Variants in MYLK4 observed in about 807,000 individuals in gnomAD.
MYLK4 encodes the protein caMLCK like.
In MYLK4, 46 loss-of-function variants were observed where a neutral mutation model predicts 48.1. That is an observed-to-expected ratio of 0.96 (90% CI 0.75 to 1.22). MYLK4 has a LOEUF of 1.22. Ranked by LOEUF, MYLK4 falls within the 50% of genes most tolerant of loss-of-function variation. The pLI, the probability that MYLK4 is intolerant of heterozygous loss-of-function variation, is 0.00. For synonymous variants in MYLK4, 170 were observed against 180.8 expected (o/e 0.94, Z 0.48); for missense variants, 451 against 486.1 (o/e 0.93, Z 0.68).
At chr6:2,694,721 C>G (rs912039898) in intron 2 of MYLK4, among the ~76,000 whole-genome samples, 2 of 151,656 alleles carry the variant, frequency 1.3e-5, no homozygotes, top group Admixed American at 6.6e-5. Context: ...CTCTTCTAAG[C>G]ACTTTGTTTA....
At chr6:2,702,174 G>A (rs1228862210) in intron 2 of MYLK4, among the ~76,000 whole-genome samples, 4 of 152,184 alleles carry the variant, frequency 2.6e-5, no homozygotes, top group Non-Finnish European at 5.9e-5. Flanking sequence ...TGCATAACTA[G>A]GTATCATGTG....
At chr6:2,743,881 A>T (rs1763978866) in intron 2 of MYLK4, 1 of 398,458 alleles carries the variant, frequency 2.5e-6, no homozygotes, top group Non-Finnish European at 4.4e-6. Flanking sequence ...TCTTAGATAA[A>T]GGTGATTTTA....
chr6:2,667,455 T>G lies in MYLK4; in HGVS notation c.*470A>C, dbSNP rs9501873. On this transcript the variant is annotated 3_prime_UTR_variant, in exon 13 of 13. Transcript: ENST00000274643. ...GGTGCATGGGAGTCAGAATTCTTTC[T>G]GGCCATCTAATTGCCCCTTCCAAAG... The G allele has an allele frequency of 0.38, 57,619 of 151,920 alleles. 11,216 individuals carry two copies. Among genetic ancestry groups the G allele is most frequent in the Non-Finnish European group, 0.4 (27,398 of 67,958 alleles). The allele number at this position is 151,920 out of a possible 1,614,324, so 9.4% of individuals were successfully genotyped here.
chr6:2,700,492 T>G (rs1762244268), intron 2 of MYLK4, among the ~76,000 whole-genome samples: 1 of 152,158 alleles, frequency 6.6e-6, no homozygotes, highest in Admixed American at 6.5e-5. Context: ...GGTCACAGAT[T>G]GGAGCAATTA....
rs189056943 is a variant in MYLK4, at chr6:2,708,542, A to T, written c.160-15683T>A. 2.0e-3 allele frequency among the ~76,000 whole-genome samples: 312 copies of T among 152,310 alleles called. 1 individual carries two copies. The highest frequency in any genetic ancestry group is 7.1e-3 in the African/African-American group (297 of 41,566). On this transcript the variant is annotated intron_variant, in intron 2 of 12. Transcript: ENST00000274643. Reference sequence around the variant, plus strand: ...AAAAACTATATTTACTTTGACTTAAACTGTTAGTCTCAGGCAGCCCCAAAG... The same window carrying T: ...AAAAACTATATTTACTTTGACTTAATCTGTTAGTCTCAGGCAGCCCCAAAG...
At chr6:2,748,670 G>A (rs1223797871) in intron 2 of MYLK4, among the ~76,000 whole-genome samples, 1 of 152,192 alleles carries the variant, frequency 6.6e-6, no homozygotes, top group African/African-American at 2.4e-5. Flanking sequence ...CTGCACAGAG[G>A]AGGGTACAAG....
intron 2 of MYLK4, among the ~76,000 whole-genome samples, chr6:2,706,013 A>C (rs1762473578): frequency 6.6e-6 from 1 of 152,160 alleles, no homozygotes; most frequent in Non-Finnish European, 1.5e-5. Context: ...GGAAATTTTA[A>C]TAATGTTTAA....
intron 3 of MYLK4, 40 bp downstream of exon 3, chr6:2,692,744 T>G (rs898645021): frequency 6.3e-7 from 1 of 1,582,986 alleles, no homozygotes; most frequent in Non-Finnish European, 8.7e-7. Flanking sequence ...ATAACGGAAC[T>G]TTCTTCATCC....
At chr6:2,765,400 C>T in the MYLK4 span, 5 of 415,560 alleles carry the variant, frequency 1.2e-5, no homozygotes, top group Middle Eastern at 7.0e-4. Flanking sequence ...ACTACACTTC[C>T]CGACACGCCG....
chr6:2,689,401 T>C (rs1446868470), intron 3 of MYLK4, among the ~76,000 whole-genome samples: 2 of 152,252 alleles, frequency 1.3e-5, no homozygotes, highest in Non-Finnish European at 2.9e-5. Flanking sequence ...TTTCTTCATG[T>C]TGTTGAAATG....
In MYLK4 at chr6:2,678,306, G is replaced by C; in HGVS notation, c.954C>G (p.Cys318Trp). 1 of 1,613,994 alleles carries C rather than the reference G, an allele frequency of 6.2e-7. No individual in the cohort carries two copies. The highest frequency in any genetic ancestry group is 8.5e-7 in the Non-Finnish European group (1 of 1,179,996). ...DAETLNNILA[C>W]RWDLEDEEFQ... is the part of the protein sequence containing the mutation. ...ATTCTTCATCCTCTAAGTCCCACCTGCAGGCCAGGATGTTGTTCAGCGTCT... is the reference window on the plus strand; with the variant it reads ...ATTCTTCATCCTCTAAGTCCCACCTCCAGGCCAGGATGTTGTTCAGCGTCT... Residue 318 changes from cysteine to tryptophan, a missense_variant, in exon 10 of 13, where the codon TGC becomes TGG. Coordinates refer to ENST00000274643, the MANE Select transcript of MYLK4 (RefSeq NM_001012418.5).
At chr6:2,694,499 G>GGTA (rs1382619442) in intron 2 of MYLK4, among the ~76,000 whole-genome samples, 5 of 29,664 alleles carry the variant, frequency 1.7e-4, no homozygotes, top group East Asian at 8.0e-4. Context: ...TCATGGTGGT[G>GGTA]GTGGTGGTGG....
At chr6:2,699,287 C>CTT (rs56959282) in intron 2 of MYLK4, among the ~76,000 whole-genome samples, 30,744 of 76,144 alleles carry the variant, frequency 0.4, 6,938 homozygotes, top group East Asian at 0.64. Flanking sequence ...CTTTTCTTTT[C>CTT]TTTTTTTTTT....
intron 9 of MYLK4, among the ~76,000 whole-genome samples, chr6:2,678,986 G>C (rs184955339): frequency 1.3e-5 from 2 of 152,288 alleles, no homozygotes; most frequent in Non-Finnish European, 2.9e-5. Flanking sequence ...ACAGGCTTGA[G>C]CCACCGCGCC....
chr6:2,766,130 G>C, the MYLK4 span: 1 of 1,241,140 alleles, frequency 8.1e-7, no homozygotes, highest in Non-Finnish European at 1.0e-6. Context: ...GGAGGCCGTG[G>C]GCGACGGCGA....
At chr6:2,757,736 C>G in the MYLK4 span, among the ~76,000 whole-genome samples, 1 of 152,134 alleles carries the variant, frequency 6.6e-6, no homozygotes. Context: ...CAATACATAG[C>G]AGATGAATGA....
chr6:2,768,811 G>A, the MYLK4 span: 26 of 1,613,816 alleles, frequency 1.6e-5, 1 homozygote, highest in South Asian at 2.5e-4. Context: ...AGCTCAAAAT[G>A]AAAAGAGCTT....
At chr6:2,736,946 G>A (rs554290504) in intron 2 of MYLK4, among the ~76,000 whole-genome samples, 8 of 152,206 alleles carry the variant, frequency 5.3e-5, no homozygotes, top group Non-Finnish European at 8.8e-5. Flanking sequence ...TCCATCACCT[G>A]GCTCTCATGA....
intron 12 of MYLK4, among the ~76,000 whole-genome samples, chr6:2,669,640 G>C (rs1760806888): frequency 6.6e-6 from 1 of 152,148 alleles, no homozygotes; most frequent in African/African-American, 2.4e-5. Flanking sequence ...ACACAGCCTG[G>C]TTGTCTGTGG....
Sources: gnomAD v4.1 joint callset for allele counts (sites outside exome capture counted in the v4.1 genomes callset) on GRCh38, gnomAD v4.1.1 for gene constraint, MANE v1.5 for transcripts, NCBI Gene and HGNC (gene_info 2026-07-23, HGNC 2026-07-21) for gene names.